The following PTBP2 variants were observed in gnomAD, a reference collection of about 807,000 sequenced individuals.
The protein encoded by PTBP2 is polypyrimidine tract binding protein 2.
A neutral mutation model predicts 61.4 loss-of-function variants in PTBP2; 13 were observed. That is an observed-to-expected ratio of 0.21 (90% CI 0.14 to 0.34). PTBP2 has a LOEUF of 0.34. PTBP2 is among the 10% of genes least tolerant of loss of function. The probability of loss-of-function intolerance (pLI) is 1.00; values close to 1 mark genes in which losing one functional copy is unlikely to be tolerated. For missense variants in PTBP2, 405 were observed against 642.6 expected (o/e 0.63, Z 4.00); for synonymous variants, 215 against 218.5 (o/e 0.98, Z 0.14).
intron 7 of PTBP2, among the ~76,000 whole-genome samples, chr1:96,779,863 CATAAT>C (rs148291938): frequency 0.081 from 12,389 of 152,054 alleles, 557 homozygotes; most frequent in African/African-American, 0.1. Context: ...GAGAATATCA[CATAAT>C]ATTACATAAT....
chr1:96,762,872 G>C (rs551360934), intron 3 of PTBP2, among the ~76,000 whole-genome samples: 1 of 151,662 alleles, frequency 6.6e-6, no homozygotes, highest in East Asian at 2.0e-4. Flanking sequence ...TGGGGCGGCC[G>C]GGCCGAGACG....
At chr1:96,820,762 A>G (rs1662660979) in exon 14 of PTBP2, 1 of 152,112 alleles carries the variant, frequency 6.6e-6, no homozygotes, top group Admixed American at 6.5e-5. Context: ...CTGCCTTTTA[A>G]GAAATTAATT....
chr1:96,768,908 C>T (rs182238635), intron 3 of PTBP2, among the ~76,000 whole-genome samples: 252 of 152,002 alleles, frequency 1.7e-3, no homozygotes, highest in Non-Finnish European at 3.0e-3. Context: ...ATTCTTTGAT[C>T]CCACCTTCAA....
At chr1:96,775,234 T>TA (rs1657900188) in intron 5 of PTBP2, among the ~76,000 whole-genome samples, 1 of 152,150 alleles carries the variant, frequency 6.6e-6, no homozygotes, top group South Asian at 2.1e-4. Context: ...AAACTCGAAA[T>TA]ATCTACTAAA....
chr1:96,728,725 G>T lies in PTBP2; in HGVS notation c.39+5131G>T, dbSNP rs560602805. Among the ~76,000 whole-genome samples the T allele has an allele frequency of 3.3e-5, 5 of 151,514 alleles. No individual in the cohort carries two copies. The East Asian group carries it at 9.7e-4, about 29-fold the overall frequency. ...TAGAAAAACTGCTTGGATTTTACTGGATTTGACTTGAATCTGTAGAGCAAA... is the reference window on the plus strand; with the variant it reads ...TAGAAAAACTGCTTGGATTTTACTGTATTTGACTTGAATCTGTAGAGCAAA... On this transcript the variant is annotated intron_variant, in intron 2 of 13. Coordinates refer to ENST00000674951, the MANE Select transcript of PTBP2 (RefSeq NM_021190.4).
At chr1:96,764,697 C>T (rs1479828430) in intron 3 of PTBP2, among the ~76,000 whole-genome samples, 10 of 152,084 alleles carry the variant, frequency 6.6e-5, no homozygotes, top group African/African-American at 2.4e-4. Flanking sequence ...TGAAAGTATT[C>T]CAGTAGATTA....
At chr1:96,726,574 A>G (rs1485024202) in intron 2 of PTBP2, among the ~76,000 whole-genome samples, 1 of 151,806 alleles carries the variant, frequency 6.6e-6, no homozygotes, top group Non-Finnish European at 1.5e-5. Flanking sequence ...AGTAGCTGGG[A>G]CTACAGGCGC....
chr1:96,770,790 A>G lies in PTBP2; in HGVS notation c.371A>G (p.Gln124Arg). 1 of 1,592,754 alleles carries G rather than the reference A, an allele frequency of 6.3e-7. No individual in the cohort carries two copies. Among genetic ancestry groups the G allele is most frequent in the Non-Finnish European group, 8.6e-7 (1 of 1,160,812 alleles). The part of the protein sequence containing the change: ...YSAVTPHLRN[Q>R]PIYIQYSNHK... ...GCTGTGACACCTCATCTTCGTAACC[A>G]ACCAATATATATCCAGTACTCGAAT... The change falls in exon 5 of 14, where the codon CAA (glutamine) becomes CGA (arginine). Residue 124 changes from glutamine to arginine, a missense_variant. This residue lies in a region of PTBP2 where 342 missense variants were observed against 491.2 expected (regional missense o/e 0.70). Coordinates refer to ENST00000674951, the MANE Select transcript of PTBP2 (RefSeq NM_021190.4).
intron 2 of PTBP2, among the ~76,000 whole-genome samples, chr1:96,736,907 T>G (rs938799691): frequency 1.3e-5 from 2 of 152,082 alleles, no homozygotes; most frequent in Admixed American, 6.6e-5. Flanking sequence ...CTCAAACTCC[T>G]GGGCTCAAGT....
chr1:96,789,264 T>G (rs559084561), intron 8 of PTBP2, among the ~76,000 whole-genome samples: 1 of 152,220 alleles, frequency 6.6e-6, no homozygotes, highest in East Asian at 1.9e-4. Context: ...CAAAGCAGAC[T>G]TTCTGTAGGA....
rs1415646121 is a variant in PTBP2 at position 96,726,072 on chromosome 1, C to T, written c.39+2478C>T. Among the ~76,000 whole-genome samples, 6 of 37,038 alleles carry T rather than the reference C, an allele frequency of 1.6e-4. No individual in the cohort carries two copies. The Admixed American group carries it at 2.9e-3, about 18-fold the overall frequency. The allele number at this position is 37,038 out of a possible 152,430, so 24.3% of individuals were successfully genotyped here. The stretch of plus-strand genomic sequence containing the variant: ...CCTGGGCGACAGAGACAGACTCTAT[C>T]TCAAAAAAAAAAAAAAAAAAAAAAA... On this transcript the variant is annotated intron_variant, in intron 2 of 13. Transcript: ENST00000674951.
At chr1:96,758,970 T>C (rs896469811) in intron 3 of PTBP2, among the ~76,000 whole-genome samples, 6 of 152,292 alleles carry the variant, frequency 3.9e-5, no homozygotes, top group African/African-American at 1.4e-4. Context: ...GGATACAAGT[T>C]CTATGTACAG....
intron 2 of PTBP2, among the ~76,000 whole-genome samples, chr1:96,734,901 TTC>T (rs1214515581): frequency 5.0e-5 from 7 of 138,738 alleles, no homozygotes; most frequent in Admixed American, 1.5e-4. Flanking sequence ...TCCTTTTTTT[TTC>T]TTTTTTTTTT....
At chr1:96,764,536 T>C (rs1393487701) in intron 3 of PTBP2, among the ~76,000 whole-genome samples, 1 of 152,242 alleles carries the variant, frequency 6.6e-6, no homozygotes, top group East Asian at 1.9e-4. Context: ...TTCTGAAAAT[T>C]ATTGCTAAAC....
At chr1:96,788,060 A>G (rs557627763) in intron 8 of PTBP2, among the ~76,000 whole-genome samples, 156 of 152,266 alleles carry the variant, frequency 1.0e-3, no homozygotes, top group African/African-American at 3.6e-3. Flanking sequence ...CTGCCAGCAT[A>G]CTATTTTTTA....
rs1378230479 is a variant in PTBP2, at chr1:96,728,130, G to A, written c.39+4536G>A. Among the ~76,000 whole-genome samples the A allele has an allele frequency of 2.0e-5, 3 of 152,120 alleles. No homozygotes were observed. In the East Asian group the frequency reaches 5.8e-4, roughly 29 times the overall value. On this transcript the variant is annotated intron_variant, in intron 2 of 13. Transcript: ENST00000674951. ...GCCTCCCAAGTAGCTAGGACTATAG[G>A]CACACAGCACCATGCCCAGCTAACT...
chr1:96,751,718 T>G (rs1020224044), intron 3 of PTBP2, among the ~76,000 whole-genome samples: 2 of 152,050 alleles, frequency 1.3e-5, no homozygotes, highest in Non-Finnish European at 2.9e-5. Context: ...TAAATTTGAT[T>G]GCTTTTCATT....
Position 96,769,739 on chromosome 1 carries a change from A to G in PTBP2, c.152A>G (p.Asp51Gly), listed in dbSNP as rs1405646774. The change falls in exon 4 of 14, where the codon GAT (aspartate) becomes GGT (glycine). Residue 51 changes from aspartate to glycine, a missense_variant. Coordinates refer to ENST00000674951, the MANE Select transcript of PTBP2 (RefSeq NM_021190.4). ...GNDSKKFKGE[D>G]KMDGAPSRVL... Reference sequence around the variant, plus strand: ...GATAGTAAAAAATTTAAAGGAGAAGATAAAATGGATGGTGCTCCTTCTCGT... The same window carrying G: ...GATAGTAAAAAATTTAAAGGAGAAGGTAAAATGGATGGTGCTCCTTCTCGT... 6.2e-7 allele frequency: 1 copy of G among 1,605,240 alleles called. No individual in the cohort carries two copies. Among genetic ancestry groups the G allele is most frequent in the East Asian group, 2.3e-5 (1 of 44,400 alleles).
chr1:96,799,019 A>G (rs1557767686), intron 8 of PTBP2, among the ~76,000 whole-genome samples: 2 of 152,168 alleles, frequency 1.3e-5, no homozygotes, highest in African/African-American at 4.8e-5. Context: ...TACATAATTT[A>G]TATCACTTCT....
Sources: allele counts gnomAD v4.1 joint callset (sites outside exome capture counted in the v4.1 genomes callset), GRCh38; gene constraint gnomAD v4.1.1; regional missense constraint gnomAD v4.1.1; transcripts MANE v1.5; gene names NCBI Gene and HGNC (gene_info 2026-07-23, HGNC 2026-07-21).